PRR5L: variants seen among roughly 807,000 people sequenced by gnomAD.
PRR5L encodes the protein proline-rich protein 5-like.
A neutral mutation model predicts 36.4 loss-of-function variants in PRR5L; 21 were observed. That is an observed-to-expected ratio of 0.58 (90% confidence interval 0.41 to 0.83). PRR5L has a LOEUF of 0.83. Ranked by LOEUF, PRR5L falls within the 40% of genes least tolerant of loss-of-function variation. The pLI is 0.00. For synonymous variants in PRR5L, 188 were observed against 197.0 expected (o/e 0.95, Z 0.38); for missense variants, 381 against 473.3 (o/e 0.80, Z 1.81).
At chr11:36,407,023 A>G (rs573079126) in intron 3 of PRR5L, among the ~76,000 whole-genome samples, 1 of 152,360 alleles carries the variant, frequency 6.6e-6, no homozygotes, top group East Asian at 1.9e-4. Flanking sequence ...AGATAATGCT[A>G]AAAGCATCCT....
Position 36,463,606 on chromosome 11 carries a change from A to T in PRR5L, c.*870A>T, listed in dbSNP as rs1247067026. 1 of 152,320 alleles carries T rather than the reference A, an allele frequency of 6.6e-6. No homozygotes were observed. Among genetic ancestry groups the T allele is most frequent in the Non-Finnish European group, 1.5e-5 (1 of 68,014 alleles). The allele number at this position is 152,320 out of a possible 1,614,324, so 9.4% of individuals were successfully genotyped here. Reference sequence around the variant, plus strand: ...CCAACCAACTGGCCTGTATCTATCTATCTGGATTTGACTTGAATTTTTAAA... The same window carrying T: ...CCAACCAACTGGCCTGTATCTATCTTTCTGGATTTGACTTGAATTTTTAAA... On this transcript the variant is annotated 3_prime_UTR_variant, in exon 9 of 9. Transcript: ENST00000530639.
rs1013219200 is a variant in PRR5L at position 36,344,204 on chromosome 11, C to T, written c.-126+47766C>T. ...TGCACACTCCAGCCTGGGCAACAAG[C>T]GCAAAACTCTGTCTCAAAAAAAAAA... On this transcript the variant is annotated intron_variant, in intron 1 of 8. Coordinates refer to ENST00000530639, the MANE Select transcript of PRR5L (RefSeq NM_001160167.2). The surrounding 1 kb of genome is among the most constrained non-coding windows in gnomAD (Gnocchi z 4.1). Among the ~76,000 whole-genome samples, 9 of 150,506 alleles carry T rather than the reference C, an allele frequency of 6.0e-5. No individual in the cohort carries two copies. The highest frequency in any genetic ancestry group is 1.2e-4 in the African/African-American group (5 of 40,618).
At chr11:36,409,755 G>A (rs1000443405) in intron 3 of PRR5L, among the ~76,000 whole-genome samples, 3 of 152,146 alleles carry the variant, frequency 2.0e-5, no homozygotes, top group Non-Finnish European at 4.4e-5. Context: ...CTTCATATGT[G>A]TCAACTCTTT....
At chr11:36,310,877 A>G (rs1444392117) in intron 1 of PRR5L, among the ~76,000 whole-genome samples, 4 of 151,412 alleles carry the variant, frequency 2.6e-5, no homozygotes, top group African/African-American at 7.3e-5. Context: ...TGTGCCTGTA[A>G]TCCCAGCTAC....
chr11:36,333,063 T>C (rs1856735053), intron 1 of PRR5L, among the ~76,000 whole-genome samples: 1 of 152,236 alleles, frequency 6.6e-6, no homozygotes. Flanking sequence ...GGTCTTCCTC[T>C]TTCTTCCTTG....
rs139048771 is a variant in PRR5L at position 36,364,265 on chromosome 11, G to A, written c.-125-36732G>A. On this transcript the variant is annotated intron_variant, in intron 1 of 8. Coordinates refer to ENST00000530639, the MANE Select transcript of PRR5L (RefSeq NM_001160167.2). ...AGCTATGCATAGTAAACATTTTTGGGGGTTAAATTAATACACATATTTAAC... is the reference window on the plus strand; with the variant it reads ...AGCTATGCATAGTAAACATTTTTGGAGGTTAAATTAATACACATATTTAAC... 3.8e-3 allele frequency among the ~76,000 whole-genome samples: 571 copies of A among 152,234 alleles called. 6 individuals are homozygous for A. The highest frequency in any genetic ancestry group is 3.7e-3 in the Non-Finnish European group (255 of 68,012).
intron 1 of PRR5L, among the ~76,000 whole-genome samples, chr11:36,372,873 C>T (rs1373052162): frequency 6.6e-6 from 1 of 152,122 alleles, no homozygotes; most frequent in Non-Finnish European, 1.5e-5. Context: ...TCAAACAATA[C>T]AATCTAATAT....
chr11:36,446,203 GGTGCTATATAAACAT>G, intron 6 of PRR5L, 82 bp from the exon 7 acceptor site: 1 of 1,364,168 alleles, frequency 7.3e-7, no homozygotes, highest in Non-Finnish European at 1.0e-6. Context: ...TCCCATCTTT[GGTGCTATATAAACAT>G]GTGTTGTCTT....
intron 1 of PRR5L, among the ~76,000 whole-genome samples, chr11:36,385,898 G>T (rs1857449066): frequency 6.6e-6 from 1 of 152,236 alleles, no homozygotes; most frequent in South Asian, 2.1e-4. Context: ...TAATGCTTAG[G>T]TGGACCCAAG....
intron 6 of PRR5L, among the ~76,000 whole-genome samples, chr11:36,444,503 C>G (rs1021313616): frequency 6.6e-5 from 10 of 152,102 alleles, no homozygotes; most frequent in African/African-American, 2.4e-4. Context: ...AAATACAAAA[C>G]CAAAAACAAT....
chr11:36,376,643 G>A, intron 1 of PRR5L: 1 of 996,258 alleles, frequency 1.0e-6, no homozygotes, highest in Non-Finnish European at 1.2e-6. Flanking sequence ...GCGGAGTCTG[G>A]GGCGGAGGCG....
At chr11:36,327,156 A>G (rs1416592172) in intron 1 of PRR5L, among the ~76,000 whole-genome samples, 5 of 152,224 alleles carry the variant, frequency 3.3e-5, no homozygotes, top group Non-Finnish European at 7.3e-5. Flanking sequence ...ACATTCAGTA[A>G]TTGAGGAACT....
intron 1 of PRR5L, among the ~76,000 whole-genome samples, chr11:36,374,104 T>TG (rs1857227614): frequency 9.9e-6 from 1 of 101,318 alleles, no homozygotes; most frequent in Admixed American, 8.7e-5. Flanking sequence ...CTTCCTTCCT[T>TG]CCTCTCTCTC....
In PRR5L at chr11:36,376,170, G is replaced by GC. The variant is rs528530769; in HGVS notation, c.-125-24821dup. On this transcript the variant is annotated intron_variant, in intron 1 of 8. Coordinates refer to ENST00000530639, the MANE Select transcript of PRR5L (RefSeq NM_001160167.2). ...TTGTTGAACTGGATGTAAGTGCAGGGCCCCCCTCTCCGCTCTCCCCAGCAG... is the reference window on the plus strand; with the variant it reads ...TTGTTGAACTGGATGTAAGTGCAGGGCCCCCCCTCTCCGCTCTCCCCAGCAG... 3.8e-6 allele frequency: 5 copies of GC among 1,304,720 alleles called. 1 individual carries two copies. In the South Asian group the frequency reaches 4.9e-5, roughly 13 times the overall value. The allele number at this position is 1,304,720 out of a possible 1,614,324, so 80.8% of individuals were successfully genotyped here. A position where few individuals can be genotyped will look rare whatever the true frequency, so the allele number is the denominator to read the frequency against.
intron 1 of PRR5L, among the ~76,000 whole-genome samples, chr11:36,318,796 T>A (rs1283284448): frequency 1.3e-5 from 2 of 151,528 alleles, no homozygotes; most frequent in African/African-American, 4.9e-5. Context: ...GAAAGTTGGA[T>A]CACAGGACAG....
chr11:36,326,297 A>G (rs972087938), intron 1 of PRR5L, among the ~76,000 whole-genome samples: 1 of 95,986 alleles, frequency 1.0e-5, no homozygotes, highest in Non-Finnish European at 2.1e-5. Flanking sequence ...TGTCTCCCCA[A>G]TAGATACACA....
intron 3 of PRR5L, among the ~76,000 whole-genome samples, chr11:36,408,296 T>C (rs1857951815): frequency 6.7e-6 from 1 of 148,702 alleles, no homozygotes; most frequent in Non-Finnish European, 1.5e-5. Context: ...AAAAAAAAAA[T>C]CCATCAGAAA....
rs187694914 is a variant in PRR5L, at chr11:36,320,510, G to A, written c.-126+24072G>A. On this transcript the variant is annotated intron_variant, in intron 1 of 8. Transcript: ENST00000530639. ...CATCTTGCCTGTTAATCTCTGAGAC[G>A]ACGCTCTGTGCCCTGTGGCTTATCT... Among the ~76,000 whole-genome samples, 415 of 151,592 alleles carry A rather than the reference G, an allele frequency of 2.7e-3. 2 individuals are homozygous for A. The highest frequency in any genetic ancestry group is 9.5e-3 in the African/African-American group (396 of 41,488).
chr11:36,335,571 A>G (rs569452484), intron 1 of PRR5L, among the ~76,000 whole-genome samples: 29 of 152,290 alleles, frequency 1.9e-4, no homozygotes, highest in African/African-American at 6.5e-4. Flanking sequence ...GAAAGCAGCC[A>G]CACCTTGTGA....
Sources: allele counts gnomAD v4.1 joint callset (sites outside exome capture counted in the v4.1 genomes callset), GRCh38; gene constraint gnomAD v4.1.1; non-coding constraint Gnocchi (gnomAD v3.1); transcripts MANE v1.5; gene names NCBI Gene and HGNC (gene_info 2026-07-23, HGNC 2026-07-21).